Variants in ERC2 observed in about 807,000 individuals in gnomAD.
ERC2 encodes the protein ERC protein 2.
In ERC2, 42 loss-of-function variants were observed where a neutral mutation model predicts 114.8. That is an observed-to-expected ratio of 0.37 (90% CI 0.29 to 0.47). The LOEUF (loss-of-function observed/expected upper bound fraction) is 0.47. Among genes scored for constraint, ERC2 ranks in the 20% least tolerant of loss-of-function variants. The pLI, the probability that ERC2 is intolerant of heterozygous loss-of-function variation, is 0.99. For missense variants in ERC2, 939 were observed against 1,150.7 expected, an observed-to-expected ratio of 0.82 and a Z score of 2.66; for synonymous variants, 454 against 425.5, an observed-to-expected ratio of 1.07 and a Z score of -0.82.
At chr3:56,171,276 G>T (rs2082650890) in intron 4 of ERC2, among the ~76,000 whole-genome samples, 1 of 152,096 alleles carries the variant, frequency 6.6e-6, no homozygotes, top group Non-Finnish European at 1.5e-5. Context: ...TGAGATCACA[G>T]CCTCCAGCCT....
At chr3:56,213,013 T>A (rs1560386373) in intron 3 of ERC2, among the ~76,000 whole-genome samples, 5 of 152,082 alleles carry the variant, frequency 3.3e-5, no homozygotes. Context: ...ACAATAGACT[T>A]TGCGGACTTT....
chr3:56,434,401 G>A lies in ERC2; in HGVS notation c.607C>T (p.Arg203Trp), dbSNP rs547988976. ...ERVLRKEEAARMSVLKEQMRV... is the reference protein window; with the variant it reads ...ERVLRKEEAAWMSVLKEQMRV... ...ATCTGCTCCTTGAGGACAGACATCCGCGCTGCCTCTTCTTTCCTCAAGACT... is the reference window on the plus strand; with the variant it reads ...ATCTGCTCCTTGAGGACAGACATCCACGCTGCCTCTTCTTTCCTCAAGACT... The change falls in exon 2 of 18, where the codon CGG (arginine) becomes TGG (tryptophan). Residue 203 changes from arginine (R) to tryptophan (W), a missense_variant. By Grantham distance (101) the Arg-to-Trp change is moderately radical. Around this residue, in one of 5 missense-constraint regions of ERC2, gnomAD observed 281 missense variants for 307.4 expected, o/e 0.91. Transcript: ENST00000288221. The A allele has an allele frequency of 6.8e-6, 11 of 1,613,854 alleles. No individual in the cohort carries two copies. Among genetic ancestry groups the A allele is most frequent in the Middle Eastern group, 1.6e-4 (1 of 6,062 alleles).
chr3:56,381,133 T>C (rs1360781131), intron 2 of ERC2, among the ~76,000 whole-genome samples: 1 of 152,188 alleles, frequency 6.6e-6, no homozygotes, highest in East Asian at 1.9e-4. Context: ...TCTCATAAAT[T>C]CATTATTCCG....
chr3:55,756,738 C>T (rs548685334), intron 14 of ERC2, among the ~76,000 whole-genome samples: 2 of 152,130 alleles, frequency 1.3e-5, no homozygotes, highest in Non-Finnish European at 2.9e-5. Flanking sequence ...CCTGGAAGAT[C>T]ACTCTTTTTA....
rs1404744963 is a variant in ERC2 at position 55,863,391 on chromosome 3, A to G, written c.2564+24998T>C. Among the ~76,000 whole-genome samples the G allele has an allele frequency of 3.9e-5, 6 of 152,194 alleles. 1 individual carries two copies. The South Asian group carries it at 1.2e-3, about 31-fold the overall frequency. ...AAAAAGCAAAGGCAAAGAAAATACT[A>G]TAAGTACATGGAAAAACTATGAACT... On this transcript the variant is annotated intron_variant, in intron 14 of 17. Transcript: ENST00000288221.
intron 17 of ERC2, among the ~76,000 whole-genome samples, chr3:55,625,866 G>A (rs961419502): frequency 2.6e-5 from 4 of 152,176 alleles, no homozygotes; most frequent in Non-Finnish European, 5.9e-5. Flanking sequence ...AATACAGGGC[G>A]CATTATCCCT....
chr3:55,666,845 G>A (rs562580431), intron 17 of ERC2, among the ~76,000 whole-genome samples: 6 of 152,208 alleles, frequency 3.9e-5, no homozygotes, highest in African/African-American at 1.4e-4. Context: ...CACTAGTTCC[G>A]CAACTTGGAG....
intron 7 of ERC2, among the ~76,000 whole-genome samples, chr3:56,040,312 GA>G (rs2075054879): frequency 6.6e-6 from 1 of 151,742 alleles, no homozygotes; most frequent in African/African-American, 2.4e-5. Flanking sequence ...TAATTACTTT[GA>G]TTTTTTTTCC....
At chr3:56,009,272 A>G (rs1425279597) in intron 9 of ERC2, among the ~76,000 whole-genome samples, 2 of 152,218 alleles carry the variant, frequency 1.3e-5, no homozygotes, top group Admixed American at 6.5e-5. Context: ...AACAACAGTC[A>G]TCACAGATCC....
intron 1 of ERC2, among the ~76,000 whole-genome samples, chr3:56,467,546 C>T (rs1432633193): frequency 6.6e-6 from 1 of 152,096 alleles, no homozygotes; most frequent in East Asian, 1.9e-4. Context: ...CTTTCAAAGG[C>T]TCGTACGGTA....
chr3:56,379,358 A>G (rs1272421889), intron 2 of ERC2, among the ~76,000 whole-genome samples: 1 of 152,220 alleles, frequency 6.6e-6, no homozygotes, highest in African/African-American at 2.4e-5. Flanking sequence ...AAAAAAAACC[A>G]AAATAACCTG....
intron 12 of ERC2, among the ~76,000 whole-genome samples, chr3:55,961,110 A>C (rs1170327560): frequency 6.6e-6 from 1 of 152,176 alleles, no homozygotes; most frequent in Non-Finnish European, 1.5e-5. Flanking sequence ...GAAAGAACAA[A>C]ACTTTGTCTC....
At chr3:55,514,895 A>G (rs1384413326) in intron 17 of ERC2, among the ~76,000 whole-genome samples, 3 of 152,226 alleles carry the variant, frequency 2.0e-5, no homozygotes, top group Non-Finnish European at 4.4e-5. Context: ...CACCATATTT[A>G]TGGTAATTTG....
intron 12 of ERC2, among the ~76,000 whole-genome samples, chr3:55,965,891 G>A (rs970201320): frequency 2.0e-5 from 3 of 152,150 alleles, no homozygotes; most frequent in Non-Finnish European, 4.4e-5. Flanking sequence ...TAACAAAGTG[G>A]CAGAATTATC....
chr3:55,744,588 G>T (rs1204536946), intron 14 of ERC2, among the ~76,000 whole-genome samples: 1 of 152,122 alleles, frequency 6.6e-6, no homozygotes, highest in Non-Finnish European at 1.5e-5. Context: ...CCGATTGCGG[G>T]CCACCGCTTC....
rs2107615018 is a variant in ERC2 at position 55,593,850 on chromosome 3, C to T, written c.*40-82574G>A. Among the ~76,000 whole-genome samples, 5 of 152,288 alleles carry T rather than the reference C, an allele frequency of 3.3e-5. No individual in the cohort carries two copies. The South Asian group carries it at 1.0e-3, about 32-fold the overall frequency. On this transcript the variant is annotated intron_variant, in intron 17 of 17. Coordinates refer to ENST00000288221, the MANE Select transcript of ERC2 (RefSeq NM_015576.3). ...AAAAACTCTTTCTACTCTGGAGCCA[C>T]CTCTTTCTCATTCCTCCATGTCTGT...
At chr3:56,080,758 T>G in intron 7 of ERC2, 59 bp downstream of exon 7, 5 of 1,547,596 alleles carry the variant, frequency 3.2e-6, no homozygotes, top group Non-Finnish European at 4.4e-6. Context: ...CTCAAAATTT[T>G]TCTAAAATGA....
chr3:55,654,194 A>T (rs2060763605), intron 17 of ERC2, among the ~76,000 whole-genome samples: 1 of 152,224 alleles, frequency 6.6e-6, no homozygotes, highest in Non-Finnish European at 1.5e-5. Context: ...TTCCTCTTTC[A>T]TTCCAGGCTG....
chr3:56,372,003 G>A (rs2059379147), intron 2 of ERC2, among the ~76,000 whole-genome samples: 2 of 152,214 alleles, frequency 1.3e-5, no homozygotes, highest in East Asian at 1.9e-4. Context: ...CTCTGCCCTG[G>A]GAAGGAATTT....
Sources: allele counts gnomAD v4.1 joint callset (sites outside exome capture counted in the v4.1 genomes callset), GRCh38; gene constraint gnomAD v4.1.1; regional missense constraint gnomAD v4.1.1; transcripts MANE v1.5; gene names NCBI Gene and HGNC (gene_info 2026-07-23, HGNC 2026-07-21).